The following ALMS1 variants were observed in gnomAD, a reference collection of about 807,000 sequenced individuals.
ALMS1 encodes centrosome-associated protein ALMS1.
Under a neutral mutation model 352.2 loss-of-function variants are expected in ALMS1, and 271 were observed. That is an observed-to-expected ratio of 0.77 (90% CI 0.70 to 0.85). The LOEUF is 0.85. Ranked by LOEUF, ALMS1 falls within the 40% of genes least tolerant of loss-of-function variation. ALMS1 has a pLI of 0.00. For synonymous variants in ALMS1, 1,865 were observed against 1,761.2 expected, an observed-to-expected ratio of 1.06 and a Z score of -1.48; for missense variants, 5,445 against 4,870.7, an observed-to-expected ratio of 1.12 and a Z score of -3.51.
At chr2:73,592,503 T>G (rs965486948) in intron 16 of ALMS1, among the ~76,000 whole-genome samples, 1 of 152,212 alleles carries the variant, frequency 6.6e-6, no homozygotes, top group African/African-American at 2.4e-5. Flanking sequence ...TCATTTTGAC[T>G]CTGACTGTTT....
At chr2:73,539,161 G>A (rs1674102516) in intron 12 of ALMS1, among the ~76,000 whole-genome samples, 1 of 152,124 alleles carries the variant, frequency 6.6e-6, no homozygotes, top group African/African-American at 2.4e-5. Context: ...CACTTCACAC[G>A]GCCGGGTACT....
intron 21 of ALMS1, among the ~76,000 whole-genome samples, chr2:73,605,843 CAA>C (rs1170715468): frequency 9.2e-5 from 11 of 119,788 alleles, no homozygotes; most frequent in Admixed American, 8.6e-5. Flanking sequence ...AACTCTGTCT[CAA>C]AAAAAAAAAA....
At chr2:73,572,030 G>T (rs891142707) in intron 15 of ALMS1, among the ~76,000 whole-genome samples, 1 of 152,126 alleles carries the variant, frequency 6.6e-6, no homozygotes, top group Non-Finnish European at 1.5e-5. Flanking sequence ...TCACGTAGCC[G>T]GTCAGTGGCA....
chr2:73,409,644 T>G (rs1671037753), intron 2 of ALMS1, among the ~76,000 whole-genome samples: 1 of 152,198 alleles, frequency 6.6e-6, no homozygotes, highest in Non-Finnish European at 1.5e-5. Flanking sequence ...AAATTCCGGC[T>G]TACTAGAACT....
intron 12 of ALMS1, among the ~76,000 whole-genome samples, chr2:73,548,814 G>T (rs1404251649): frequency 6.6e-6 from 1 of 152,152 alleles, no homozygotes; most frequent in Non-Finnish European, 1.5e-5. Context: ...TACCTTGGTG[G>T]TCGATAAGTT....
At chr2:73,409,239 T>G (rs1024916565) in intron 2 of ALMS1, among the ~76,000 whole-genome samples, 5 of 152,102 alleles carry the variant, frequency 3.3e-5, no homozygotes, top group Non-Finnish European at 5.9e-5. Flanking sequence ...GCAGTTCACT[T>G]TTTTTGAAGG....
chr2:73,569,617 T>A (rs1674877414), intron 15 of ALMS1, among the ~76,000 whole-genome samples: 1 of 152,186 alleles, frequency 6.6e-6, no homozygotes, highest in Non-Finnish European at 1.5e-5. Context: ...GGCCTAGTGT[T>A]CCAGGCCCTG....
At position 73,448,881 on chromosome 2, in the gene ALMS1, A is replaced by G. The variant is rs17848880; in HGVS notation, c.2354A>G (p.Glu785Gly). 9.2e-4 allele frequency: 1,492 copies of G among 1,614,034 alleles called. 31 individuals are homozygous for G. The East Asian group carries it at 0.031, about 33-fold the overall frequency. Residue 785 changes from glutamate to glycine, a missense_variant, in exon 8 of 23, where the codon GAA (glutamate) becomes GGA (glycine). Coordinates refer to ENST00000613296, the MANE Select transcript of ALMS1 (RefSeq NM_001378454.1). Reference sequence around the variant, plus strand: ...GACTTAGCAGACAGTCATCTACCTGAAGAGGGTCTGAAAGTTTCAGCTGTT... The same window carrying G: ...GACTTAGCAGACAGTCATCTACCTGGAGAGGGTCTGAAAGTTTCAGCTGTT... The part of the protein sequence containing the change: ...PQDLADSHLP[E>G]EGLKVSAVAG...
chr2:73,510,953 A>C (rs1250932474), intron 10 of ALMS1, among the ~76,000 whole-genome samples: 3 of 152,190 alleles, frequency 2.0e-5, no homozygotes, highest in Non-Finnish European at 4.4e-5. Context: ...GGCTTCACCC[A>C]GTTGGAAATT....
chr2:73,432,255 G>A lies in ALMS1; in HGVS notation c.1396G>A (p.Asp466Asn). 1 of 1,613,480 alleles carries A rather than the reference G, an allele frequency of 6.2e-7. No individual in the cohort carries two copies. The change falls in exon 7 of 23, where the codon GAC becomes AAC. Residue 466 changes from aspartate to asparagine, a missense_variant. Asp to Asn is a conservative substitution (Grantham distance 23). Coordinates refer to ENST00000613296, the MANE Select transcript of ALMS1 (RefSeq NM_001378454.1). ...SDLRMLRMSPDTVPKAPKHLK... is the reference protein window; with the variant it reads ...SDLRMLRMSPNTVPKAPKHLK... ...TCTCAGAATGTTGAGGATGTCTCCT[G>A]ACACTGTGCCAAAGGCTCCTAAACA...
chr2:73,555,917 C>A (rs1448239046), intron 13 of ALMS1, among the ~76,000 whole-genome samples: 1 of 152,010 alleles, frequency 6.6e-6, no homozygotes, highest in Non-Finnish European at 1.5e-5. Context: ...TTGTACCCTT[C>A]GTATAAGGTT....
In ALMS1 at chr2:73,584,990, G is replaced by C. The variant is rs1675276552; in HGVS notation, c.11547+11566G>C. 2.6e-5 allele frequency among the ~76,000 whole-genome samples: 4 copies of C among 152,032 alleles called. No individual in the cohort carries two copies. The South Asian group carries it at 8.3e-4, about 32-fold the overall frequency. On this transcript the variant is annotated intron_variant, in intron 16 of 22. Transcript: ENST00000613296. ...TTTTATGGCTGAGTAGTATTCCATG[G>C]TGTATATGTACCACATTTTCTTTAT...
In ALMS1 at chr2:73,526,396, A is replaced by G. The variant is rs892017704; in HGVS notation, c.9781+6380A>G. Among the ~76,000 whole-genome samples the G allele has an allele frequency of 7.9e-5, 12 of 152,126 alleles. 1 individual carries two copies. Among genetic ancestry groups the G allele is most frequent in the Admixed American group, 2.0e-4 (3 of 15,268 alleles). ...TGCTTTAGGTAGTATGGACATTTTAACAATATTGATTCTTCTAATTCATGA... is the reference window on the plus strand; with the variant it reads ...TGCTTTAGGTAGTATGGACATTTTAGCAATATTGATTCTTCTAATTCATGA... On this transcript the variant is annotated intron_variant, in intron 11 of 22. Coordinates refer to ENST00000613296, the MANE Select transcript of ALMS1 (RefSeq NM_001378454.1).
rs1218206228 is a variant in ALMS1, at chr2:73,552,244, CTT to C, written c.10078+1811_10078+1812del. Among the ~76,000 whole-genome samples, 12 of 152,274 alleles carry C rather than the reference CTT, an allele frequency of 7.9e-5. 1 individual carries two copies. Among genetic ancestry groups the C allele is most frequent in the African/African-American group, 2.9e-4 (12 of 41,556 alleles). On this transcript the variant is annotated intron_variant, in intron 13 of 22. Transcript: ENST00000613296. The stretch of plus-strand genomic sequence containing the variant: ...GTTCTACTTCAAAACACAGTGAAGT[CTT>C]TTTATAAATCCCTTTTGAAATAAGA...
At chr2:73,559,282 G>C in intron 15 of ALMS1, 140 bp downstream of exon 15, 1 of 993,532 alleles carries the variant, frequency 1.0e-6, no homozygotes, top group Non-Finnish European at 1.5e-6. Flanking sequence ...AAACTTTCTT[G>C]TGTAAAGTAC....
At chr2:73,467,013 A>G (rs920466788) in intron 9 of ALMS1, among the ~76,000 whole-genome samples, 9 of 152,142 alleles carry the variant, frequency 5.9e-5, no homozygotes, top group African/African-American at 2.2e-4. Flanking sequence ...AATTAATTTG[A>G]GATGGATCAT....
At position 73,603,289 on chromosome 2, in the gene ALMS1, T is replaced by A. The variant is rs1407768958; in HGVS notation, c.12347T>A (p.Ile4116Asn). ...AAGCCTATCAGCAAGAAGGAAATGA[T>A]TCAGAGGTCCAAACGGTAAGACCAA... The part of the protein sequence containing the change: ...KNKPISKKEM[I>N]QRSKRIYEQL... The change falls in exon 21 of 23, where the codon ATT (isoleucine) becomes AAT (asparagine). Residue 4116 changes from isoleucine to asparagine, a missense_variant. Transcript: ENST00000613296. 6 of 1,614,022 alleles carry A rather than the reference T, an allele frequency of 3.7e-6. No individual in the cohort carries two copies. The highest frequency in any genetic ancestry group is 5.1e-6 in the Non-Finnish European group (6 of 1,180,000).
intron 12 of ALMS1, among the ~76,000 whole-genome samples, chr2:73,536,913 A>T (rs1674041631): frequency 6.6e-6 from 1 of 152,230 alleles, no homozygotes. Context: ...AACTTGCCCT[A>T]GTCCCATTCC....
At chr2:73,539,126 G>C (rs1674101469) in intron 12 of ALMS1, among the ~76,000 whole-genome samples, 1 of 152,162 alleles carries the variant, frequency 6.6e-6, no homozygotes, top group South Asian at 2.1e-4. Context: ...TAACTGGGAG[G>C]CACCCCCCAG....
Sources: gnomAD v4.1 joint callset for allele counts (sites outside exome capture counted in the v4.1 genomes callset) on GRCh38, gnomAD v4.1.1 for gene constraint, MANE v1.5 for transcripts, NCBI Gene and HGNC (gene_info 2026-07-23, HGNC 2026-07-21) for gene names.